The following RBBP4 variants were observed in gnomAD, a reference collection of about 807,000 sequenced individuals.
RBBP4 encodes histone-binding protein RBBP4.
In RBBP4, 3 loss-of-function variants were observed where a neutral mutation model predicts 57.2. The observed-to-expected ratio is 0.05, with a 90% CI of 0.02 to 0.14. RBBP4 has a LOEUF of 0.14. Ranked by LOEUF, RBBP4 falls within the 10% of genes least tolerant of loss-of-function variation. RBBP4 has a pLI of 1.00. For missense variants in RBBP4, 107 were observed against 520.6 expected, an observed-to-expected ratio of 0.21 and a Z score of 7.73; for synonymous variants, 151 against 171.5, an observed-to-expected ratio of 0.88 and a Z score of 0.93.
intron 4 of RBBP4, 107 bp from the exon 5 acceptor site, chr1:32,668,632 T>C (rs1648751219): frequency 2.2e-6 from 2 of 925,318 alleles, no homozygotes; most frequent in African/African-American, 1.7e-5. Context: ...TCCTATATCA[T>C]TTATAAATGT....
chr1:32,678,176 A>T (rs957683674), intron 11 of RBBP4, among the ~76,000 whole-genome samples: 1 of 151,774 alleles, frequency 6.6e-6, no homozygotes, highest in Non-Finnish European at 1.5e-5. Flanking sequence ...ATCATTTCCT[A>T]TTTTTCTCAT....
At chr1:32,673,507 G>T (rs372607806) in intron 11 of RBBP4, 4 of 417,520 alleles carry the variant, frequency 9.6e-6, no homozygotes, top group Admixed American at 5.8e-5. Context: ...GTGCAATCTC[G>T]GCTCACTGCA....
chr1:32,662,163 C>CT (rs1308995069), intron 3 of RBBP4: 1 of 305,216 alleles, frequency 3.3e-6, no homozygotes, highest in Non-Finnish European at 6.7e-6. Flanking sequence ...GGATTACAGG[C>CT]TTGAGCCACC....
chr1:32,678,326 A>G (rs973579126), intron 11 of RBBP4, among the ~76,000 whole-genome samples: 1 of 151,918 alleles, frequency 6.6e-6, no homozygotes, highest in African/African-American at 2.4e-5. Flanking sequence ...TCCTGGGTTC[A>G]AGCGATTCTC....
In RBBP4 at chr1:32,683,800, T is replaced by G; in HGVS notation, c.*4095T>G. 1 of 528,358 alleles carries G rather than the reference T, an allele frequency of 1.9e-6. No homozygotes were observed. The highest frequency in any genetic ancestry group is 3.4e-6 in the Non-Finnish European group (1 of 291,482). The allele number at this position is 528,358 out of a possible 1,614,324, so 32.7% of individuals were successfully genotyped here. On this transcript the variant is annotated 3_prime_UTR_variant, in exon 12 of 12. Transcript: ENST00000373493. ...AGTGCCTGCCACTATGCCCGGCTAA[T>G]TTTTGTATTTTTAGTGGAGATGGAG...
At chr1:32,666,798 T>G (rs1047775320) in intron 3 of RBBP4, among the ~76,000 whole-genome samples, 1 of 152,228 alleles carries the variant, frequency 6.6e-6, no homozygotes, top group Non-Finnish European at 1.5e-5. Flanking sequence ...AAAGTAGATA[T>G]AGAGATGATC....
chr1:32,658,874 A>G lies in RBBP4; in HGVS notation c.310+1302A>G, dbSNP rs894432670. 1.3e-4 allele frequency among the ~76,000 whole-genome samples: 20 copies of G among 151,664 alleles called. No homozygotes were observed. The South Asian group carries it at 1.7e-3, about 13-fold the overall frequency. On this transcript the variant is annotated intron_variant, in intron 3 of 11. Transcript: ENST00000373493. ...TGTAAAACTACATATATGTGTGTGT[A>G]TATATTTATATTGTGTGTGTAAAAT...
At position 32,662,850 on chromosome 1, in the gene RBBP4, G is replaced by A. The variant is rs1304930723; in HGVS notation, c.310+5278G>A. On this transcript the variant is annotated intron_variant, in intron 3 of 11. Transcript: ENST00000373493. ...AATACAAAAATTAGCTGGGCGTGGT[G>A]GTGTGTGCCTGTAGTCCCAGCTACT... Among the ~76,000 whole-genome samples the A allele has an allele frequency of 2.0e-5, 3 of 151,864 alleles. 1 individual carries two copies. Among genetic ancestry groups the A allele is most frequent in the Admixed American group, 1.3e-4 (2 of 15,234 alleles).
rs796937890 is a variant in RBBP4 at position 32,668,599 on chromosome 1, A to G, written c.485-140A>G. 8 of 849,458 alleles carry G rather than the reference A, an allele frequency of 9.4e-6. No individual in the cohort carries two copies. The African/African-American group carries it at 1.4e-4, about 15-fold the overall frequency. The allele number at this position is 849,458 out of a possible 1,614,324, so 52.6% of individuals were successfully genotyped here. On this transcript the variant is annotated intron_variant, in intron 4 of 11. Coordinates refer to ENST00000373493, the MANE Select transcript of RBBP4 (RefSeq NM_005610.3). ...AACAAAATACTGGTGCTGTTTAAGC[A>G]TTATCTATTTGATCATAACGGTTCC...
chr1:32,651,303 C>T lies in RBBP4; in HGVS notation c.-4C>T, dbSNP rs563473589. ...CCAGGATTCCCCCGGCTCGCCTGCC[C>T]GCCATGGCCGACAAGGAAGGTGAGG... On this transcript the variant is annotated 5_prime_UTR_variant, in exon 1 of 12. Transcript: ENST00000373493. 10 of 1,474,096 alleles carry T rather than the reference C, an allele frequency of 6.8e-6. No individual in the cohort carries two copies. The African/African-American group carries it at 1.2e-4, about 17-fold the overall frequency. 91.3% of individuals were successfully genotyped at this position (1,474,096 alleles called of 1,614,324 possible). A position where few individuals can be genotyped will look rare whatever the true frequency, so the allele number is the denominator to read the frequency against.
chr1:32,657,939 G>A (rs371874678), intron 3 of RBBP4, among the ~76,000 whole-genome samples: 21 of 151,960 alleles, frequency 1.4e-4, no homozygotes, highest in Admixed American at 5.9e-4. Context: ...TGCAACCTCC[G>A]CCTCCCGGGT....
intron 11 of RBBP4, among the ~76,000 whole-genome samples, chr1:32,679,171 C>CTA (rs1649266106): frequency 6.6e-6 from 1 of 152,122 alleles, no homozygotes; most frequent in Admixed American, 6.5e-5. Flanking sequence ...GTGGCATGTG[C>CTA]CTGTAATCCT....
chr1:32,655,848 A>T (rs1300486665), intron 2 of RBBP4, among the ~76,000 whole-genome samples: 3 of 152,298 alleles, frequency 2.0e-5, no homozygotes, highest in African/African-American at 7.2e-5. Context: ...CATCTTTCCC[A>T]TCTAGGCCAG....
At position 32,651,285 on chromosome 1, in the gene RBBP4, T is replaced by TC; in HGVS notation, c.-17dup. On this transcript the variant is annotated 5_prime_UTR_variant, in exon 1 of 12. Transcript: ENST00000373493. ...CTCCCGCAACGCTCGACCCCAGGAT[T>TC]CCCCCGGCTCGCCTGCCCGCCATGG... 6.7e-7 allele frequency: 1 copy of TC among 1,485,840 alleles called. No individual in the cohort carries two copies. 92.0% of individuals were successfully genotyped at this position (1,485,840 alleles called of 1,614,324 possible). A position where few individuals can be genotyped will look rare whatever the true frequency, so the allele number is the denominator to read the frequency against.
chr1:32,664,938 A>T (rs1239776809), intron 3 of RBBP4, among the ~76,000 whole-genome samples: 1 of 152,316 alleles, frequency 6.6e-6, no homozygotes, highest in East Asian at 1.9e-4. Context: ...CTAAAAAACA[A>T]TGTACATACC....
At chr1:32,651,429 C>T in intron 1 of RBBP4, 107 bp downstream of exon 1, 2 of 1,380,070 alleles carry the variant, frequency 1.4e-6, no homozygotes, top group Non-Finnish European at 1.9e-6. Flanking sequence ...GAGTGCAGTC[C>T]CCGGTACTGA....
intron 8 of RBBP4, among the ~76,000 whole-genome samples, chr1:32,672,113 C>G (rs915190925): frequency 3.3e-5 from 5 of 151,938 alleles, no homozygotes; most frequent in Non-Finnish European, 1.5e-5. Context: ...CCTCAGCCTC[C>G]CGAGTAGCTG....
chr1:32,675,482 A>G lies in RBBP4; in HGVS notation c.1212+2581A>G, dbSNP rs529426361. On this transcript the variant is annotated intron_variant, in intron 11 of 11. Coordinates refer to ENST00000373493, the MANE Select transcript of RBBP4 (RefSeq NM_005610.3). ...TTTGTAACATTACTTATCAAAAAGAAGGATGGGCCAGGTGCGGTGGCTCAC... is the reference window on the plus strand; with the variant it reads ...TTTGTAACATTACTTATCAAAAAGAGGGATGGGCCAGGTGCGGTGGCTCAC... 1.3e-4 allele frequency among the ~76,000 whole-genome samples: 19 copies of G among 150,808 alleles called. No individual in the cohort carries two copies. In the East Asian group the frequency reaches 3.0e-3, roughly 24 times the overall value.
chr1:32,680,357 GTTTTT>G lies in RBBP4; in HGVS notation c.*667_*671del, dbSNP rs372285843. On this transcript the variant is annotated 3_prime_UTR_variant, in exon 12 of 12. Coordinates refer to ENST00000373493, the MANE Select transcript of RBBP4 (RefSeq NM_005610.3). Reference sequence around the variant, plus strand: ...AATGGTGTTTTTTTTTTTGTTGTTGGTTTTTTTTTTTTTTTTTTTAACTTGGGACC... The same window carrying G: ...AATGGTGTTTTTTTTTTTGTTGTTGGTTTTTTTTTTTTTTAACTTGGGACC... 3.1e-5 allele frequency: 31 copies of G among 988,020 alleles called. No individual in the cohort carries two copies. The highest frequency in any genetic ancestry group is 1.4e-4 in the East Asian group (2 of 14,776). The allele number at this position is 988,020 out of a possible 1,614,324, so 61.2% of individuals were successfully genotyped here.
Sources: allele counts gnomAD v4.1 joint callset (sites outside exome capture counted in the v4.1 genomes callset), GRCh38; gene constraint gnomAD v4.1.1; transcripts MANE v1.5; gene names NCBI Gene and HGNC (gene_info 2026-07-23, HGNC 2026-07-21).